Variants in SEZ6L observed in about 807,000 individuals in gnomAD.
SEZ6L encodes the protein seizure 6-like protein.
A neutral mutation model predicts 106.2 loss-of-function variants in SEZ6L; 37 were observed. The observed-to-expected ratio is 0.35, with a 90% CI of 0.27 to 0.46. The LOEUF is 0.46. Ranked by LOEUF, SEZ6L falls within the 20% of genes least tolerant of loss-of-function variation. The pLI, the probability that SEZ6L is intolerant of heterozygous loss-of-function variation, is 1.00. For missense variants in SEZ6L, 1,172 were observed against 1,332.8 expected, an observed-to-expected ratio of 0.88 and a Z score of 1.88; for synonymous variants, 541 against 570.4, an observed-to-expected ratio of 0.95 and a Z score of 0.73.
intron 13 of SEZ6L, among the ~76,000 whole-genome samples, chr22:26,365,809 G>A (rs2083790484): frequency 6.6e-6 from 1 of 152,132 alleles, no homozygotes; most frequent in South Asian, 2.1e-4. Flanking sequence ...AGGAGGTCAA[G>A]GTTGCAGTGA....
intron 1 of SEZ6L, among the ~76,000 whole-genome samples, chr22:26,252,373 T>C (rs2145796569): frequency 6.6e-6 from 1 of 152,330 alleles, no homozygotes; most frequent in African/African-American, 2.4e-5. Flanking sequence ...CTACCTCAGA[T>C]GAAGTTCTCA....
At chr22:26,250,475 T>C (rs530592929) in intron 1 of SEZ6L, among the ~76,000 whole-genome samples, 55 of 152,316 alleles carry the variant, frequency 3.6e-4, no homozygotes, top group African/African-American at 1.1e-3. Flanking sequence ...TTAGTGTAAA[T>C]ACATGGATTC....
rs544362297 is a variant in SEZ6L at position 26,327,638 on chromosome 22, C to T, written c.2016-12798C>T. 8.6e-3 allele frequency among the ~76,000 whole-genome samples: 1,275 copies of T among 148,746 alleles called. 12 individuals carry two copies. The highest frequency in any genetic ancestry group is 0.025 in the African/African-American group (997 of 40,556). ...CACATGACACTAAACACACACCACA[C>T]GCACCACATGACACACCACGCCCAC... On this transcript the variant is annotated intron_variant, in intron 9 of 16. Transcript: ENST00000248933.
At chr22:26,221,393 G>A (rs556606324) in intron 1 of SEZ6L, among the ~76,000 whole-genome samples, 1 of 152,124 alleles carries the variant, frequency 6.6e-6, no homozygotes, top group Non-Finnish European at 1.5e-5. Context: ...ACCATCACAG[G>A]CCTATAGGAG....
chr22:26,337,557 A>G (rs1256480709), intron 9 of SEZ6L, among the ~76,000 whole-genome samples: 2 of 152,094 alleles, frequency 1.3e-5, no homozygotes, highest in Non-Finnish European at 2.9e-5. Flanking sequence ...CAGTCCCACT[A>G]TTTTTGCTGT....
intron 1 of SEZ6L, among the ~76,000 whole-genome samples, chr22:26,220,164 C>G (rs1320595528): frequency 6.6e-6 from 1 of 152,126 alleles, no homozygotes; most frequent in Non-Finnish European, 1.5e-5. Context: ...GCGGCTCCAC[C>G]TTTCTGGGCC....
At chr22:26,348,630 AAG>A (rs1345975701) in intron 11 of SEZ6L, among the ~76,000 whole-genome samples, 4 of 34,102 alleles carry the variant, frequency 1.2e-4, no homozygotes, top group South Asian at 2.9e-3. Flanking sequence ...GAAAGAAAGA[AAG>A]AAAGAAAGAA....
intron 12 of SEZ6L, among the ~76,000 whole-genome samples, chr22:26,361,028 A>C (rs1184941583): frequency 6.6e-6 from 1 of 152,236 alleles, no homozygotes; most frequent in Non-Finnish European, 1.5e-5. Flanking sequence ...GGGGATACCC[A>C]CGCGGCTTTA....
chr22:26,269,349 G>T (rs544486390), intron 1 of SEZ6L, among the ~76,000 whole-genome samples: 21 of 152,282 alleles, frequency 1.4e-4, no homozygotes, highest in Non-Finnish European at 2.8e-4. Context: ...GTAGGAGAAG[G>T]CTTCCTCAGA....
intron 1 of SEZ6L, among the ~76,000 whole-genome samples, chr22:26,185,261 G>T (rs768966911): frequency 1.3e-4 from 20 of 152,182 alleles, no homozygotes; most frequent in Non-Finnish European, 2.5e-4. Context: ...GCCCTTGGGG[G>T]CACCAGCCAC....
intron 1 of SEZ6L, among the ~76,000 whole-genome samples, chr22:26,178,188 G>T (rs968403981): frequency 1.3e-5 from 2 of 152,224 alleles, no homozygotes; most frequent in African/African-American, 4.8e-5. Flanking sequence ...TTTGGTAGAA[G>T]TGGAAATCAA....
intron 5 of SEZ6L, among the ~76,000 whole-genome samples, chr22:26,302,419 T>C (rs1197813133): frequency 6.6e-6 from 1 of 152,188 alleles, no homozygotes; most frequent in Non-Finnish European, 1.5e-5. Context: ...TTTAGAATTC[T>C]CAAAAGTCCT....
intron 1 of SEZ6L, among the ~76,000 whole-genome samples, chr22:26,248,570 A>G (rs2079448364): frequency 6.6e-6 from 1 of 152,186 alleles, no homozygotes; most frequent in Admixed American, 6.5e-5. Context: ...AGGTTCAGAG[A>G]GGTAAAATAA....
chr22:26,275,959 C>G (rs1426233982), intron 1 of SEZ6L, among the ~76,000 whole-genome samples: 1 of 152,150 alleles, frequency 6.6e-6, no homozygotes. Flanking sequence ...AGACATGGAG[C>G]AAATACAGCC....
chr22:26,352,674 G>A (rs543238424), intron 12 of SEZ6L, among the ~76,000 whole-genome samples: 75 of 152,320 alleles, frequency 4.9e-4, no homozygotes, highest in Middle Eastern at 6.8e-3. Context: ...GTCCTTGTCC[G>A]TTTTCATTGG....
At position 26,375,793 on chromosome 22, in the gene SEZ6L, C is replaced by G. The variant is rs55650033; in HGVS notation, c.2942+104C>G. 5.3e-6 allele frequency: 4 copies of G among 752,590 alleles called. No homozygotes were observed. The African/African-American group carries it at 7.0e-5, about 13-fold the overall frequency. 46.6% of individuals were successfully genotyped at this position (752,590 alleles called of 1,614,324 possible). On this transcript the variant is annotated intron_variant, in intron 15 of 16. Coordinates refer to ENST00000248933, the MANE Select transcript of SEZ6L (RefSeq NM_021115.5). Reference sequence around the variant, plus strand: ...AGCCTCAGGGTCTCCACCTGGAGCTCGGGCATAGTGGCATTTGTGTTATTG... The same window carrying G: ...AGCCTCAGGGTCTCCACCTGGAGCTGGGGCATAGTGGCATTTGTGTTATTG...
At chr22:26,310,522 G>A in intron 6 of SEZ6L, 148 bp from the exon 7 acceptor site, 1 of 846,086 alleles carries the variant, frequency 1.2e-6, no homozygotes, top group Non-Finnish European at 1.8e-6. Flanking sequence ...GGCAACAAGA[G>A]TGAAACTCTG....
chr22:26,247,672 T>C (rs779736458), intron 1 of SEZ6L, among the ~76,000 whole-genome samples: 2 of 152,218 alleles, frequency 1.3e-5, no homozygotes, highest in Non-Finnish European at 2.9e-5. Flanking sequence ...CTTGGACTTC[T>C]AGCCTCCAGG....
At chr22:26,344,902 A>G (rs559272035) in intron 10 of SEZ6L, among the ~76,000 whole-genome samples, 104 of 152,244 alleles carry the variant, frequency 6.8e-4, no homozygotes, top group Admixed American at 1.3e-3. Flanking sequence ...CACACCATTT[A>G]TTTAAAAAAG....
Sources: allele counts gnomAD v4.1 joint callset (sites outside exome capture counted in the v4.1 genomes callset), GRCh38; gene constraint gnomAD v4.1.1; transcripts MANE v1.5; gene names NCBI Gene and HGNC (gene_info 2026-07-23, HGNC 2026-07-21).